ABI1: variants seen among roughly 807,000 people sequenced by gnomAD.
ABI1 encodes the protein Abelson interactor 1.
Under a neutral mutation model 54.6 loss-of-function variants are expected in ABI1, and 14 were observed. The observed-to-expected ratio is 0.26, with a 90% confidence interval of 0.17 to 0.40. The LOEUF (loss-of-function observed/expected upper bound fraction) is 0.40, where lower values mean the gene tolerates loss of function less well. ABI1 is among the 10% of genes least tolerant of loss of function. The probability of loss-of-function intolerance (pLI) is 1.00; values close to 1 mark genes in which losing one functional copy is unlikely to be tolerated. For synonymous variants in ABI1, 194 were observed against 209.3 expected, an observed-to-expected ratio of 0.93 and a Z score of 0.63; for missense variants, 443 against 598.3, an observed-to-expected ratio of 0.74 and a Z score of 2.71.
intron 2 of ABI1, among the ~76,000 whole-genome samples, chr10:26,785,700 G>A (rs992136600): frequency 6.6e-6 from 1 of 151,858 alleles, no homozygotes; most frequent in African/African-American, 2.4e-5. Context: ...ACTCTAGCCT[G>A]GGCGACAGAG....
chr10:26,760,041 G>T (rs1238540952), intron 7 of ABI1, among the ~76,000 whole-genome samples: 2 of 150,552 alleles, frequency 1.3e-5, no homozygotes, highest in Non-Finnish European at 1.5e-5. Context: ...CTCCATGCCT[G>T]GAGGGCTTCT....
At position 26,755,734 on chromosome 10, in the gene ABI1, A is replaced by C; in HGVS notation, c.1005T>G (p.Ile335Met). The C allele has an allele frequency of 6.2e-7, 1 of 1,611,826 alleles. No homozygotes were observed. Among genetic ancestry groups the C allele is most frequent in the Non-Finnish European group, 8.5e-7 (1 of 1,178,212 alleles). The change falls in exon 9 of 11, where the codon ATT (isoleucine) becomes ATG (methionine). Residue 335 changes from isoleucine (I) to methionine (M), a missense_variant. Transcript: ENST00000376140. ...GPLYSQNSIS[I>M]APPPPPMPQL... Reference sequence around the variant, plus strand: ...GAGGCATAGGGGGAGGGGGTGGAGCAATAGAAACTGGTAGCAACAACACAG... The same window carrying C: ...GAGGCATAGGGGGAGGGGGTGGAGCCATAGAAACTGGTAGCAACAACACAG...
chr10:26,848,545 C>A (rs192256085), intron 1 of ABI1, among the ~76,000 whole-genome samples: 2 of 149,174 alleles, frequency 1.3e-5, no homozygotes, highest in African/African-American at 4.9e-5. Context: ...TTGTACAGAG[C>A]AGTAAGACCC....
chr10:26,754,510 G>T (rs915459845), intron 9 of ABI1, among the ~76,000 whole-genome samples: 4 of 152,146 alleles, frequency 2.6e-5, no homozygotes, highest in African/African-American at 9.7e-5. Context: ...GAAGGAAGGG[G>T]CTTTTGTCTT....
chr10:26,764,701 T>C (rs1392241321), intron 7 of ABI1, among the ~76,000 whole-genome samples: 3 of 152,230 alleles, frequency 2.0e-5, no homozygotes, highest in Admixed American at 2.0e-4. Flanking sequence ...GCTACATCTG[T>C]CCTGAACATG....
chr10:26,790,216 C>T (rs1172822926), intron 2 of ABI1, among the ~76,000 whole-genome samples: 2 of 152,186 alleles, frequency 1.3e-5, no homozygotes, highest in African/African-American at 4.8e-5. Context: ...ACACTGTCTT[C>T]CACAATGGTT....
At chr10:26,774,157 C>T (rs2132833200) in intron 3 of ABI1, among the ~76,000 whole-genome samples, 1 of 152,250 alleles carries the variant, frequency 6.6e-6, no homozygotes, top group South Asian at 2.1e-4. Context: ...CTCTCAATTA[C>T]TTATAATACC....
At chr10:26,825,358 T>C (rs2048242944) in intron 1 of ABI1, among the ~76,000 whole-genome samples, 1 of 151,998 alleles carries the variant, frequency 6.6e-6, no homozygotes, top group Non-Finnish European at 1.5e-5. Flanking sequence ...AGACCCTGTC[T>C]CTGAAAAAAA....
intron 2 of ABI1, among the ~76,000 whole-genome samples, chr10:26,791,017 G>A (rs1843358025): frequency 7.5e-6 from 1 of 133,728 alleles, no homozygotes; most frequent in South Asian, 2.4e-4. Context: ...GCTGCAGTGA[G>A]CCACAATCAC....
chr10:26,812,049 C>T lies in ABI1; in HGVS notation c.285+11089G>A, dbSNP rs557964477. On this transcript the variant is annotated intron_variant, in intron 2 of 10. Coordinates refer to ENST00000376140, the MANE Select transcript of ABI1 (RefSeq NM_001012750.3). ...TATCGCCACATCATTCTAATCTCTG[C>T]TCCTGTTTCCACACCACCTTCTGCT... 2.0e-5 allele frequency among the ~76,000 whole-genome samples: 3 copies of T among 152,258 alleles called. No homozygotes were observed. In the East Asian group the frequency reaches 5.8e-4, roughly 29 times the overall value.
intron 2 of ABI1, among the ~76,000 whole-genome samples, chr10:26,779,659 T>C (rs907829803): frequency 6.6e-6 from 1 of 152,184 alleles, no homozygotes; most frequent in African/African-American, 2.4e-5. Context: ...TGCTCAGGCA[T>C]GTAATGGTTG....
intron 2 of ABI1, among the ~76,000 whole-genome samples, chr10:26,781,324 T>G (rs1384708936): frequency 2.6e-5 from 4 of 152,374 alleles, no homozygotes; most frequent in East Asian, 3.9e-4. Flanking sequence ...ATGCAGCCAG[T>G]CTGGCCCCTA....
At chr10:26,834,000 G>A (rs1490752920) in intron 1 of ABI1, among the ~76,000 whole-genome samples, 3 of 152,096 alleles carry the variant, frequency 2.0e-5, no homozygotes, top group Non-Finnish European at 4.4e-5. Flanking sequence ...AGGCCAAAGT[G>A]GGTGGATCAC....
intron 1 of ABI1, among the ~76,000 whole-genome samples, chr10:26,837,582 T>C (rs556525690): frequency 1.3e-5 from 2 of 152,300 alleles, no homozygotes; most frequent in South Asian, 4.1e-4. Flanking sequence ...CTGTTAACAG[T>C]TACATATAAT....
At chr10:26,837,244 T>C (rs1024081896) in intron 1 of ABI1, among the ~76,000 whole-genome samples, 2 of 152,234 alleles carry the variant, frequency 1.3e-5, no homozygotes, top group African/African-American at 2.4e-5. Flanking sequence ...CAGTAGGTTC[T>C]GGTTCTAGCA....
chr10:26,847,918 C>T (rs754777695), intron 1 of ABI1, among the ~76,000 whole-genome samples: 4 of 151,800 alleles, frequency 2.6e-5, no homozygotes, highest in African/African-American at 7.3e-5. Flanking sequence ...CTGGGAGGCT[C>T]ACATGTTGGG....
chr10:26,796,343 C>G (rs1844165469), intron 2 of ABI1, among the ~76,000 whole-genome samples: 1 of 152,170 alleles, frequency 6.6e-6, no homozygotes, highest in Admixed American at 6.5e-5. Context: ...AACAATAGTT[C>G]CATAAGATTA....
At chr10:26,798,922 G>C (rs961588115) in intron 2 of ABI1, among the ~76,000 whole-genome samples, 3 of 151,002 alleles carry the variant, frequency 2.0e-5, no homozygotes, top group Non-Finnish European at 4.4e-5. Context: ...CCACAAGCAG[G>C]AGTCAGCATG....
At chr10:26,807,547 C>A (rs1424344017) in intron 2 of ABI1, among the ~76,000 whole-genome samples, 2 of 152,206 alleles carry the variant, frequency 1.3e-5, no homozygotes, top group East Asian at 3.8e-4. Flanking sequence ...CCAAGATGGG[C>A]AGCAGCTGAA....
Sources: allele counts gnomAD v4.1 joint callset (sites outside exome capture counted in the v4.1 genomes callset), GRCh38; gene constraint gnomAD v4.1.1; transcripts MANE v1.5; gene names NCBI Gene and HGNC (gene_info 2026-07-23, HGNC 2026-07-21).